The following PTPRT variants were observed in gnomAD, a reference collection of about 807,000 sequenced individuals.
The protein encoded by PTPRT is receptor-type tyrosine-protein phosphatase T.
In PTPRT, 56 loss-of-function variants were observed where a neutral mutation model predicts 176.8. The observed-to-expected ratio is 0.32, with a 90% CI of 0.26 to 0.40. The LOEUF (loss-of-function observed/expected upper bound fraction) is 0.40, where lower values mean the gene tolerates loss of function less well. Among genes scored for constraint, PTPRT ranks in the 10% least tolerant of loss-of-function variants. The pLI, the probability that PTPRT is intolerant of heterozygous loss-of-function variation, is 1.00. For synonymous variants in PTPRT, 783 were observed against 739.0 expected, an observed-to-expected ratio of 1.06 and a Z score of -0.96; for missense variants, 1,540 against 1,908.2, an observed-to-expected ratio of 0.81 and a Z score of 3.60.
chr20:42,920,243 A>C (rs1467540685), intron 1 of PTPRT, among the ~76,000 whole-genome samples: 1 of 152,250 alleles, frequency 6.6e-6, no homozygotes. Context: ...AATATACGCA[A>C]CAAGATGAAT....
the PTPRT span, among the ~76,000 whole-genome samples, chr20:42,055,496 T>C: frequency 6.6e-6 from 1 of 152,176 alleles, no homozygotes; most frequent in Non-Finnish European, 1.5e-5. Flanking sequence ...CAGCAGTATT[T>C]GTTTTTCTAA....
chr20:42,393,691 T>A (rs1009657399), intron 9 of PTPRT, among the ~76,000 whole-genome samples: 1 of 152,236 alleles, frequency 6.6e-6, no homozygotes, highest in African/African-American at 2.4e-5. Context: ...TGTCTAAAAC[T>A]GAGCTAAGAT....
At chr20:43,096,968 T>A (rs771192213) in intron 1 of PTPRT, among the ~76,000 whole-genome samples, 3 of 152,008 alleles carry the variant, frequency 2.0e-5, no homozygotes, top group Non-Finnish European at 4.4e-5. Context: ...TTGGAGGAGA[T>A]TAAATTAAAA....
At chr20:42,633,940 AATATAATATATAATTAT>A (rs2074490579) in intron 7 of PTPRT, among the ~76,000 whole-genome samples, 1 of 52,312 alleles carries the variant, frequency 1.9e-5, no homozygotes, top group Non-Finnish European at 3.4e-5. Context: ...ATAATAATAT[AATATAATATATAATTAT>A]ATATAATATA....
chr20:43,172,430 A>G (rs2015024291), intron 1 of PTPRT, among the ~76,000 whole-genome samples: 1 of 152,308 alleles, frequency 6.6e-6, no homozygotes, highest in Non-Finnish European at 1.5e-5. Flanking sequence ...TGGGCCTGGG[A>G]TGAGCATTAG....
downstream of PTPRT, among the ~76,000 whole-genome samples, chr20:42,071,486 T>C (rs777985027): frequency 6.4e-4 from 98 of 152,120 alleles, 1 homozygote; most frequent in Non-Finnish European, 7.1e-4. Context: ...GCTGAACATA[T>C]AGAATCCTAG....
At chr20:43,166,475 C>A (rs1029619708) in intron 1 of PTPRT, among the ~76,000 whole-genome samples, 1 of 152,146 alleles carries the variant, frequency 6.6e-6, no homozygotes, top group Admixed American at 6.5e-5. Context: ...GCCTTGGAGA[C>A]ACGATGTCTT....
chr20:42,202,470 A>G (rs1009937184), intron 15 of PTPRT, among the ~76,000 whole-genome samples: 4 of 152,190 alleles, frequency 2.6e-5, no homozygotes, highest in African/African-American at 9.7e-5. Flanking sequence ...CAGATATACA[A>G]CAAGAAATGA....
At chr20:42,694,474 T>C (rs540057062) in intron 6 of PTPRT, among the ~76,000 whole-genome samples, 2 of 152,356 alleles carry the variant, frequency 1.3e-5, no homozygotes, top group South Asian at 4.1e-4. Flanking sequence ...TAGGCTATTT[T>C]CAGGTTTTTG....
Position 42,675,302 on chromosome 20 carries a change from A to G in PTPRT, c.1153+2564T>C, listed in dbSNP as rs183264473. Among the ~76,000 whole-genome samples, 7 of 152,224 alleles carry G rather than the reference A, an allele frequency of 4.6e-5. No individual in the cohort carries two copies. In the East Asian group the frequency reaches 1.4e-3, roughly 29 times the overall value. On this transcript the variant is annotated intron_variant, in intron 7 of 30. Transcript: ENST00000373187. ...GGACCAGAAGCGTTTCAGATTTCAG[A>G]TTTTCTTGAATTTCAGAATATTTGC...
chr20:42,455,212 C>T (rs1303102346), intron 8 of PTPRT, among the ~76,000 whole-genome samples: 1 of 152,018 alleles, frequency 6.6e-6, no homozygotes, highest in Non-Finnish European at 1.5e-5. Context: ...AAATACTAAG[C>T]TCCTTCTTTT....
At chr20:42,458,366 T>C (rs932442019) in intron 8 of PTPRT, among the ~76,000 whole-genome samples, 6 of 152,198 alleles carry the variant, frequency 3.9e-5, no homozygotes, top group Non-Finnish European at 7.3e-5. Flanking sequence ...TGGGTTTATG[T>C]CCTGTTCCCA....
intron 2 of PTPRT, among the ~76,000 whole-genome samples, chr20:42,882,342 C>T (rs895915365): frequency 6.6e-6 from 1 of 152,048 alleles, no homozygotes; most frequent in Non-Finnish European, 1.5e-5. Flanking sequence ...TTAGAAAAGC[C>T]CAGAAGATTG....
intron 1 of PTPRT, among the ~76,000 whole-genome samples, chr20:43,130,518 G>C (rs1353138902): frequency 6.6e-6 from 1 of 151,996 alleles, no homozygotes; most frequent in East Asian, 1.9e-4. Context: ...CAATTGCCTC[G>C]TTTCTCAATA....
Position 43,068,938 on chromosome 20 carries a change from C to G in PTPRT, c.88+120708G>C, listed in dbSNP as rs112615727. Among the ~76,000 whole-genome samples the G allele has an allele frequency of 3.2e-3, 484 of 152,276 alleles. 3 individuals are homozygous for G. Among genetic ancestry groups the G allele is most frequent in the African/African-American group, 0.011 (466 of 41,548 alleles). On this transcript the variant is annotated intron_variant, in intron 1 of 30. Coordinates refer to ENST00000373187, the MANE Select transcript of PTPRT (RefSeq NM_007050.6). ...CTGGAGTTGCAGGGTAGCAGTAGAGCTCAAAACCTACTACCTGGTTCTCAT... is the reference window on the plus strand; with the variant it reads ...CTGGAGTTGCAGGGTAGCAGTAGAGGTCAAAACCTACTACCTGGTTCTCAT...
intron 1 of PTPRT, among the ~76,000 whole-genome samples, chr20:42,967,852 A>C (rs1025742958): frequency 6.6e-6 from 1 of 151,834 alleles, no homozygotes. Flanking sequence ...AAATTCCAAA[A>C]CTCAAACCAA....
Position 43,083,288 on chromosome 20 carries a change from T to C in PTPRT, c.88+106358A>G, listed in dbSNP as rs191242218. Among the ~76,000 whole-genome samples the C allele has an allele frequency of 7.6e-5, 10 of 132,218 alleles. No individual in the cohort carries two copies. In the East Asian group the frequency reaches 2.1e-3, roughly 28 times the overall value. The allele number at this position is 132,218 out of a possible 152,430, so 86.7% of individuals were successfully genotyped here. ...TTTTGAATGCTTTTTTGAGGTATAA[T>C]TTATATACCATAAGATTCACCCACT... On this transcript the variant is annotated intron_variant, in intron 1 of 30. Coordinates refer to ENST00000373187, the MANE Select transcript of PTPRT (RefSeq NM_007050.6).
At chr20:42,806,903 T>C (rs1232069236) in intron 2 of PTPRT, among the ~76,000 whole-genome samples, 2 of 152,242 alleles carry the variant, frequency 1.3e-5, no homozygotes, top group Middle Eastern at 3.2e-3. Context: ...CCTGGTTCTC[T>C]GACACTATGA....
At chr20:42,276,203 T>C (rs2057026794) in intron 13 of PTPRT, among the ~76,000 whole-genome samples, 1 of 151,898 alleles carries the variant, frequency 6.6e-6, no homozygotes, top group African/African-American at 2.4e-5. Flanking sequence ...TACATGTCCA[T>C]AAAAGAATAC....
Sources: gnomAD v4.1 joint callset for allele counts (sites outside exome capture counted in the v4.1 genomes callset) on GRCh38, gnomAD v4.1.1 for gene constraint, MANE v1.5 for transcripts, NCBI Gene and HGNC (gene_info 2026-07-23, HGNC 2026-07-21) for gene names.